The following RBMS3 variants were observed in gnomAD, a reference collection of about 807,000 sequenced individuals.
The protein encoded by RBMS3 is RNA-binding motif, single-stranded-interacting protein 3.
A neutral mutation model predicts 66.8 loss-of-function variants in RBMS3; 27 were observed. The observed-to-expected ratio is 0.40, with a 90% CI of 0.30 to 0.56. The LOEUF (loss-of-function observed/expected upper bound fraction) is 0.56. Among genes scored for constraint, RBMS3 ranks in the 20% least tolerant of loss-of-function variants. The probability of loss-of-function intolerance (pLI) is 0.40; values close to 1 mark genes in which losing one functional copy is unlikely to be tolerated. For missense variants in RBMS3, 513 were observed against 549.5 expected (o/e 0.93, Z 0.66); for synonymous variants, 188 against 183.0 (o/e 1.03, Z -0.22).
At chr3:29,686,578 G>A (rs932369355) in intron 4 of RBMS3, among the ~76,000 whole-genome samples, 5 of 152,118 alleles carry the variant, frequency 3.3e-5, no homozygotes, top group Non-Finnish European at 5.9e-5. Flanking sequence ...CCAGCTACTA[G>A]AGACGCTGAA....
intron 12 of RBMS3, among the ~76,000 whole-genome samples, chr3:29,971,305 G>T (rs1697213999): frequency 6.6e-6 from 1 of 152,102 alleles, no homozygotes; most frequent in Non-Finnish European, 1.5e-5. Flanking sequence ...GTTGTCAAGA[G>T]CTTCCTATGA....
intron 1 of RBMS3, among the ~76,000 whole-genome samples, chr3:29,427,845 C>T (rs938789751): frequency 6.6e-6 from 1 of 152,042 alleles, no homozygotes; most frequent in African/African-American, 2.4e-5. Flanking sequence ...AACCAGATGC[C>T]GGCAATAGAA....
At chr3:29,976,082 T>C (rs907402070) in intron 12 of RBMS3, among the ~76,000 whole-genome samples, 1 of 152,008 alleles carries the variant, frequency 6.6e-6, no homozygotes, top group African/African-American at 2.4e-5. Context: ...TGATGATATA[T>C]ATATATGTAG....
At chr3:29,362,236 TC>T (rs1190203182) in intron 1 of RBMS3, among the ~76,000 whole-genome samples, 1 of 152,218 alleles carries the variant, frequency 6.6e-6, no homozygotes, top group Non-Finnish European at 1.5e-5. Flanking sequence ...GGTGTGGATG[TC>T]CTTTCTGTTT....
intron 13 of RBMS3, among the ~76,000 whole-genome samples, chr3:29,989,353 G>C (rs554784076): frequency 6.6e-6 from 1 of 152,108 alleles, no homozygotes; most frequent in Non-Finnish European, 1.5e-5. Context: ...CTTCTTTCTG[G>C]TTCTAGCCAT....
At chr3:29,376,439 G>T (rs1445395062) in intron 1 of RBMS3, among the ~76,000 whole-genome samples, 1 of 152,170 alleles carries the variant, frequency 6.6e-6, no homozygotes, top group East Asian at 1.9e-4. Flanking sequence ...AGCAGCAGCA[G>T]GGTGGTGATT....
chr3:29,539,552 A>T (rs1182418389), intron 3 of RBMS3, among the ~76,000 whole-genome samples: 1 of 152,144 alleles, frequency 6.6e-6, no homozygotes, highest in African/African-American at 2.4e-5. Flanking sequence ...AACTAAGCTA[A>T]CTTTAACTGT....
chr3:29,935,292 T>A (rs1387477472), intron 10 of RBMS3, among the ~76,000 whole-genome samples: 2 of 152,140 alleles, frequency 1.3e-5, no homozygotes, highest in Non-Finnish European at 2.9e-5. Flanking sequence ...GATGGAAGTT[T>A]TTTAAAATGT....
chr3:29,453,719 G>C (rs2042085114), intron 2 of RBMS3, among the ~76,000 whole-genome samples: 1 of 152,206 alleles, frequency 6.6e-6, no homozygotes, highest in Admixed American at 6.5e-5. Flanking sequence ...CTGACACTGT[G>C]GGGGCACTGG....
intron 2 of RBMS3, among the ~76,000 whole-genome samples, chr3:29,435,807 T>TAG (rs1481336261): frequency 2.6e-5 from 4 of 151,680 alleles, no homozygotes; most frequent in Non-Finnish European, 4.4e-5. Context: ...ACCCCATCTC[T>TAG]ACTGAAAATA....
chr3:29,373,797 G>C, intron 1 of RBMS3, among the ~76,000 whole-genome samples: 1 of 152,264 alleles, frequency 6.6e-6, no homozygotes, highest in African/African-American at 2.4e-5. Context: ...GTTTGAAAAG[G>C]GTTGTATAGG....
chr3:29,350,849 A>G lies in RBMS3; in HGVS notation c.75+69093A>G, dbSNP rs1197536521. On this transcript the variant is annotated intron_variant, in intron 1 of 14. Coordinates refer to ENST00000383767, the MANE Select transcript of RBMS3 (RefSeq NM_001003793.3). The stretch of plus-strand genomic sequence containing the variant: ...TTGCCATAAAAGGTAAAAGAAAAAC[A>G]AAGTAAAAACAAAAAACTATAATGT... Among the ~76,000 whole-genome samples, 4 of 152,158 alleles carry G rather than the reference A, an allele frequency of 2.6e-5. No homozygotes were observed. In the East Asian group the frequency reaches 7.7e-4, roughly 29 times the overall value.
At chr3:29,554,692 G>T (rs2046286497) in intron 3 of RBMS3, among the ~76,000 whole-genome samples, 1 of 152,026 alleles carries the variant, frequency 6.6e-6, no homozygotes, top group Non-Finnish European at 1.5e-5. Flanking sequence ...AGGGCATTTT[G>T]AGCTAAAATA....
intron 6 of RBMS3, among the ~76,000 whole-genome samples, chr3:29,770,350 TTATAA>T (rs1250620340): frequency 6.6e-6 from 1 of 152,056 alleles, no homozygotes; most frequent in Non-Finnish European, 1.5e-5. Context: ...ATTATTTCTC[TTATAA>T]TATTATATAA....
intron 4 of RBMS3, among the ~76,000 whole-genome samples, chr3:29,728,173 G>A (rs531194855): frequency 1.2e-4 from 18 of 151,944 alleles, no homozygotes; most frequent in East Asian, 5.8e-4. Flanking sequence ...ACATGGACAC[G>A]GGGAGCGGAA....
chr3:29,470,074 ATAAT>A (rs1249675099), intron 2 of RBMS3, among the ~76,000 whole-genome samples: 1 of 149,504 alleles, frequency 6.7e-6, no homozygotes, highest in Non-Finnish European at 1.5e-5. Flanking sequence ...TTAAACTTCA[ATAAT>A]TAAATATACT....
intron 3 of RBMS3, among the ~76,000 whole-genome samples, chr3:29,490,785 TG>T (rs1270513103): frequency 6.6e-6 from 1 of 152,164 alleles, no homozygotes; most frequent in Non-Finnish European, 1.5e-5. Context: ...CTGTCACTCT[TG>T]GCCTGTGGGA....
At chr3:29,625,704 A>AAG (rs1553633445) in intron 4 of RBMS3, among the ~76,000 whole-genome samples, 105 of 133,266 alleles carry the variant, frequency 7.9e-4, no homozygotes, top group African/African-American at 2.6e-3. Flanking sequence ...ATTAAAGTAA[A>AAG]TAAATAAATA....
At chr3:29,637,235 A>C (rs1035004684) in intron 4 of RBMS3, among the ~76,000 whole-genome samples, 3 of 151,780 alleles carry the variant, frequency 2.0e-5, no homozygotes, top group African/African-American at 7.3e-5. Context: ...GTGCCTGTGC[A>C]AATGAAGGCA....
Sources: allele counts gnomAD v4.1 joint callset (sites outside exome capture counted in the v4.1 genomes callset), GRCh38; gene constraint gnomAD v4.1.1; transcripts MANE v1.5; gene names NCBI Gene and HGNC (gene_info 2026-07-23, HGNC 2026-07-21).